The following CAMK4 variants were observed in gnomAD, a reference collection of about 807,000 sequenced individuals.
CAMK4 encodes calcium/calmodulin dependent protein kinase IV, also known as calcium/calmodulin-dependent protein kinase type IV.
Under a neutral mutation model 44.9 loss-of-function variants are expected in CAMK4, and 22 were observed. The ratio of observed to expected loss-of-function variants is 0.49; its 90% CI spans 0.35 to 0.70. CAMK4 has a LOEUF of 0.70. Ranked by LOEUF, CAMK4 falls within the 30% of genes least tolerant of loss-of-function variation. CAMK4 has a pLI of 0.01. For synonymous variants in CAMK4, 218 were observed against 215.4 expected (o/e 1.01, Z -0.11); for missense variants, 498 against 586.8 (o/e 0.85, Z 1.56).
At chr5:111,453,237 G>A (rs72792044) in intron 7 of CAMK4, among the ~76,000 whole-genome samples, 240 of 152,256 alleles carry the variant, frequency 1.6e-3, no homozygotes, top group Middle Eastern at 3.4e-3. Context: ...AAACACTTGG[G>A]AAAAACAGAA....
chr5:111,315,381 G>T (rs1367415714), intron 1 of CAMK4, among the ~76,000 whole-genome samples: 2 of 152,082 alleles, frequency 1.3e-5, no homozygotes, highest in Non-Finnish European at 2.9e-5. Context: ...ATTGTAGGTG[G>T]TGCACAGAAC....
Position 111,348,847 on chromosome 5 carries a change from C to G in CAMK4, c.240+4745C>G, listed in dbSNP as rs75139632. ...TAATTGAGCATTTCTTCTGGCTATTCAGAAAGCATTTCAAGATCTTGCACT... is the reference window on the plus strand; with the variant it reads ...TAATTGAGCATTTCTTCTGGCTATTGAGAAAGCATTTCAAGATCTTGCACT... On this transcript the variant is annotated intron_variant, in intron 2 of 10. Coordinates refer to ENST00000282356, the MANE Select transcript of CAMK4 (RefSeq NM_001744.6). Among the ~76,000 whole-genome samples, 332 of 152,132 alleles carry G rather than the reference C, an allele frequency of 2.2e-3. 9 individuals are homozygous for G. The East Asian group carries it at 0.06, about 28-fold the overall frequency.
chr5:111,301,037 C>T (rs1580552073), intron 1 of CAMK4, among the ~76,000 whole-genome samples: 1 of 151,636 alleles, frequency 6.6e-6, no homozygotes, highest in East Asian at 1.9e-4. Flanking sequence ...TAAGTGAAGT[C>T]CACATGCTGG....
intron 1 of CAMK4, among the ~76,000 whole-genome samples, chr5:111,311,984 A>G (rs1748224469): frequency 6.6e-6 from 1 of 152,234 alleles, no homozygotes; most frequent in Non-Finnish European, 1.5e-5. Context: ...ATATTTTAGA[A>G]AAGTCAAAGA....
At chr5:111,483,748 A>C (rs142951965) in intron 10 of CAMK4, among the ~76,000 whole-genome samples, 1 of 152,216 alleles carries the variant, frequency 6.6e-6, no homozygotes, top group Admixed American at 6.5e-5. Context: ...ACACAGATTA[A>C]AATTTTCAAA....
chr5:111,333,471 A>G (rs1363581550), intron 1 of CAMK4, among the ~76,000 whole-genome samples: 1 of 151,668 alleles, frequency 6.6e-6, no homozygotes, highest in Non-Finnish European at 1.5e-5. Flanking sequence ...TATTGTTATT[A>G]ATGTATTTTG....
intron 5 of CAMK4, among the ~76,000 whole-genome samples, chr5:111,434,804 A>G (rs1159056009): frequency 6.6e-6 from 1 of 152,200 alleles, no homozygotes; most frequent in Non-Finnish European, 1.5e-5. Flanking sequence ...AGAAAAGAGT[A>G]AATTCATGTA....
intron 5 of CAMK4, among the ~76,000 whole-genome samples, chr5:111,428,112 C>T (rs867657312): frequency 1.3e-5 from 2 of 152,296 alleles, no homozygotes; most frequent in Admixed American, 6.5e-5. Context: ...AGAATTCTCC[C>T]GTATTTTGTC....
chr5:111,267,683 G>A (rs1561373814), intron 1 of CAMK4, among the ~76,000 whole-genome samples: 1 of 124,662 alleles, frequency 8.0e-6, no homozygotes, highest in Non-Finnish European at 1.6e-5. Context: ...CCGCCTGGGC[G>A]ACAGAACGAG....
chr5:111,460,445 G>A (rs1754605386), intron 7 of CAMK4, among the ~76,000 whole-genome samples: 1 of 151,462 alleles, frequency 6.6e-6, no homozygotes, highest in South Asian at 2.1e-4. Flanking sequence ...CTAATTTTTT[G>A]TATTTTAGTA....
At chr5:111,381,603 T>A (rs1467213533) in intron 4 of CAMK4, among the ~76,000 whole-genome samples, 1 of 152,164 alleles carries the variant, frequency 6.6e-6, no homozygotes, top group Non-Finnish European at 1.5e-5. Context: ...CATCTCCCAG[T>A]TCATCGTTAA....
At chr5:111,415,782 C>A (rs1040912748) in intron 5 of CAMK4, among the ~76,000 whole-genome samples, 3 of 152,038 alleles carry the variant, frequency 2.0e-5, no homozygotes, top group Non-Finnish European at 4.4e-5. Context: ...GGTTCCACAT[C>A]CATGGATCCA....
intron 4 of CAMK4, among the ~76,000 whole-genome samples, chr5:111,390,002 C>T (rs1214067652): frequency 6.6e-6 from 1 of 152,110 alleles, no homozygotes; most frequent in African/African-American, 2.4e-5. Context: ...TTAAAATGTT[C>T]AGAAAGTATA....
At chr5:111,353,095 G>A (rs758241329) in intron 2 of CAMK4, among the ~76,000 whole-genome samples, 35 of 151,960 alleles carry the variant, frequency 2.3e-4, no homozygotes, top group Non-Finnish European at 5.0e-4. Flanking sequence ...CAGAGTATAT[G>A]GTTTATAGAA....
chr5:111,380,511 T>A (rs913500326), intron 4 of CAMK4, among the ~76,000 whole-genome samples: 1 of 152,130 alleles, frequency 6.6e-6, no homozygotes, highest in African/African-American at 2.4e-5. Flanking sequence ...CCCTCCATTC[T>A]CCCAATTTCC....
chr5:111,458,549 T>C (rs1479885310), intron 7 of CAMK4, among the ~76,000 whole-genome samples: 1 of 149,436 alleles, frequency 6.7e-6, no homozygotes, highest in Non-Finnish European at 1.5e-5. Flanking sequence ...AAAGAACTCT[T>C]CCTTAAGTAT....
At chr5:111,463,123 C>A (rs1484195967) in intron 7 of CAMK4, among the ~76,000 whole-genome samples, 1 of 151,992 alleles carries the variant, frequency 6.6e-6, no homozygotes, top group African/African-American at 2.4e-5. Flanking sequence ...GTTTTATGAG[C>A]AATAACATGA....
intron 1 of CAMK4, among the ~76,000 whole-genome samples, chr5:111,299,083 C>A (rs903935821): frequency 6.6e-6 from 1 of 152,232 alleles, no homozygotes; most frequent in Non-Finnish European, 1.5e-5. Context: ...GCCCTATAGG[C>A]ACATGTCCCT....
At chr5:111,480,286 A>ACACACACACACACACC (rs1163614814) in intron 9 of CAMK4, among the ~76,000 whole-genome samples, 121 of 148,986 alleles carry the variant, frequency 8.1e-4, no homozygotes, top group African/African-American at 2.9e-3. Context: ...ACACACACAC[A>ACACACACACACACACC]CACCCCTGGG....
Sources: allele counts gnomAD v4.1 joint callset (sites outside exome capture counted in the v4.1 genomes callset), GRCh38; gene constraint gnomAD v4.1.1; transcripts MANE v1.5; gene names NCBI Gene and HGNC (gene_info 2026-07-23, HGNC 2026-07-21).